The following RORA variants were observed in gnomAD, a reference collection of about 807,000 sequenced individuals.
RORA encodes nuclear receptor ROR-alpha.
In RORA, 7 loss-of-function variants were observed where a neutral mutation model predicts 69.5. That is an observed-to-expected ratio of 0.10 (90% CI 0.06 to 0.19). The LOEUF (loss-of-function observed/expected upper bound fraction) is 0.19. Among genes scored for constraint, RORA ranks in the 10% least tolerant of loss-of-function variants. The pLI is 1.00. For synonymous variants in RORA, 261 were observed against 240.8 expected (o/e 1.08, Z -0.78); for missense variants, 457 against 663.0 (o/e 0.69, Z 3.41).
At chr15:61,033,077 C>T (rs970137941) in intron 1 of RORA, among the ~76,000 whole-genome samples, 2 of 152,160 alleles carry the variant, frequency 1.3e-5, no homozygotes, top group Non-Finnish European at 2.9e-5. Flanking sequence ...CCAAGTCACC[C>T]AGCTGTTCAA....
At chr15:60,661,988 C>T (rs779716748) in intron 2 of RORA, among the ~76,000 whole-genome samples, 18 of 152,226 alleles carry the variant, frequency 1.2e-4, no homozygotes, top group Non-Finnish European at 2.2e-4. Flanking sequence ...GTCAACCACA[C>T]TCTATGAAGA....
intron 1 of RORA, among the ~76,000 whole-genome samples, chr15:61,182,560 T>C (rs2079697139): frequency 6.6e-6 from 1 of 152,230 alleles, no homozygotes; most frequent in Admixed American, 6.5e-5. Flanking sequence ...CACAGTGCTG[T>C]TTCCAGTAGG....
intron 2 of RORA, among the ~76,000 whole-genome samples, chr15:60,561,935 A>C (rs2067572585): frequency 6.6e-6 from 1 of 152,064 alleles, no homozygotes; most frequent in African/African-American, 2.4e-5. Context: ...GTTTAACAAA[A>C]AAAAAAATTT....
intron 1 of RORA, among the ~76,000 whole-genome samples, chr15:61,180,045 G>A (rs1276395137): frequency 2.7e-5 from 4 of 150,570 alleles, no homozygotes; most frequent in East Asian, 2.0e-4. Context: ...CGAGGAGGCT[G>A]TGGCACGAGA....
At chr15:60,653,296 TGC>T (rs1468973255) in intron 2 of RORA, among the ~76,000 whole-genome samples, 2 of 114,600 alleles carry the variant, frequency 1.7e-5, no homozygotes, top group African/African-American at 7.5e-5. Flanking sequence ...TACAGGTGCA[TGC>T]GTGTGTGTGT....
intron 1 of RORA, among the ~76,000 whole-genome samples, chr15:61,016,046 A>G (rs1397836629): frequency 6.6e-6 from 1 of 152,212 alleles, no homozygotes; most frequent in Admixed American, 6.5e-5. Flanking sequence ...CTGGAAACAG[A>G]AGAGTATCAG....
intron 1 of RORA, among the ~76,000 whole-genome samples, chr15:61,078,352 T>TGTG (rs1234315091): frequency 2.0e-5 from 3 of 151,316 alleles, no homozygotes; most frequent in African/African-American, 4.8e-5. Context: ...TGTGTGTGTG[T>TGTG]GTGTGTGTGT....
At chr15:61,031,936 T>C (rs551838312) in intron 1 of RORA, among the ~76,000 whole-genome samples, 3 of 152,214 alleles carry the variant, frequency 2.0e-5, no homozygotes, top group African/African-American at 4.8e-5. Context: ...TTCTGAAGAG[T>C]TGGAAGATAT....
At chr15:60,748,461 T>C (rs1272392356) in intron 1 of RORA, among the ~76,000 whole-genome samples, 1 of 152,222 alleles carries the variant, frequency 6.6e-6, no homozygotes. Context: ...TTCTTATATA[T>C]GTTAATGTTT....
chr15:60,739,546 G>T (rs1253138282), intron 1 of RORA, among the ~76,000 whole-genome samples: 1 of 151,984 alleles, frequency 6.6e-6, no homozygotes, highest in Non-Finnish European at 1.5e-5. Flanking sequence ...ACTCCAGGCT[G>T]GGTAACACAG....
chr15:60,777,806 A>G (rs2072194472), intron 1 of RORA, among the ~76,000 whole-genome samples: 1 of 152,132 alleles, frequency 6.6e-6, no homozygotes, highest in South Asian at 2.1e-4. Context: ...TGAGTAAAAT[A>G]CCCATAGTCG....
intron 1 of RORA, among the ~76,000 whole-genome samples, chr15:60,717,245 T>A (rs1206382066): frequency 2.0e-5 from 3 of 152,160 alleles, no homozygotes; most frequent in African/African-American, 7.2e-5. Flanking sequence ...GTTGTGGTGG[T>A]ATGTATGCAG....
chr15:60,982,197 T>C (rs1894062874), intron 1 of RORA, among the ~76,000 whole-genome samples: 1 of 152,194 alleles, frequency 6.6e-6, no homozygotes, highest in African/African-American at 2.4e-5. Flanking sequence ...AACCAGGCAG[T>C]TTACTACTCA....
At chr15:61,073,474 A>G (rs1384622838) in intron 1 of RORA, among the ~76,000 whole-genome samples, 1 of 152,028 alleles carries the variant, frequency 6.6e-6, no homozygotes, top group Non-Finnish European at 1.5e-5. Context: ...TCGGGGTTCA[A>G]ATTCGCAAAT....
At chr15:60,515,003 C>A (rs889701295) in intron 3 of RORA, among the ~76,000 whole-genome samples, 1 of 152,176 alleles carries the variant, frequency 6.6e-6, no homozygotes, top group African/African-American at 2.4e-5. Flanking sequence ...CAGACAGTTG[C>A]CCATGTAAAA....
intron 1 of RORA, among the ~76,000 whole-genome samples, chr15:61,215,906 T>C (rs1179985027): frequency 3.3e-5 from 5 of 152,246 alleles, no homozygotes; most frequent in Non-Finnish European, 5.9e-5. Context: ...GGCACTATTA[T>C]TACAGCATTA....
At chr15:60,597,565 T>C (rs1293502390) in intron 2 of RORA, among the ~76,000 whole-genome samples, 2 of 33,032 alleles carry the variant, frequency 6.1e-5, no homozygotes, top group African/African-American at 3.0e-4. Flanking sequence ...TATATATATA[T>C]ATATATATAC....
chr15:60,934,467 T>TTTGTTGTTGTTG (rs59877483), intron 1 of RORA, among the ~76,000 whole-genome samples: 7 of 146,922 alleles, frequency 4.8e-5, no homozygotes, highest in African/African-American at 1.1e-4. Flanking sequence ...GGCCCAAGAG[T>TTTGTTGTTGTTG]TTGTTGTTGT....
intron 1 of RORA, among the ~76,000 whole-genome samples, chr15:60,991,105 AC>A (rs1894362151): frequency 6.6e-6 from 1 of 152,192 alleles, no homozygotes; most frequent in Non-Finnish European, 1.5e-5. Flanking sequence ...TGAATGGAAA[AC>A]CCAGTCCCTG....
Sources: allele counts gnomAD v4.1 joint callset (sites outside exome capture counted in the v4.1 genomes callset), GRCh38; gene constraint gnomAD v4.1.1; transcripts MANE v1.5; gene names NCBI Gene and HGNC (gene_info 2026-07-23, HGNC 2026-07-21).